The following CDH4 variants were observed in gnomAD, a reference collection of about 807,000 sequenced individuals.
CDH4 encodes cadherin-4.
CDH4 carries 33 observed loss-of-function variants against 86.0 expected under a neutral mutation model. The ratio of observed to expected loss-of-function variants is 0.38; its 90% CI spans 0.29 to 0.51. The LOEUF (loss-of-function observed/expected upper bound fraction) is 0.51. Ranked by LOEUF, CDH4 falls within the 20% of genes least tolerant of loss-of-function variation. CDH4 has a pLI of 0.86. For synonymous variants in CDH4, 555 were observed against 549.4 expected (o/e 1.01, Z -0.14); for missense variants, 1,114 against 1,307.4 (o/e 0.85, Z 2.28).
In CDH4 at chr20:61,829,384, C is replaced by T. The variant is rs73917530; in HGVS notation, c.577-15284C>T. Among the ~76,000 whole-genome samples, 1 of 152,178 alleles carries T rather than the reference C, an allele frequency of 6.6e-6. No individual in the cohort carries two copies. Among genetic ancestry groups the T allele is most frequent in the Non-Finnish European group, 1.5e-5 (1 of 68,040 alleles). ...AACATTTCACTGTGTGGGTGGACCACGTTTAGCCACTCAGCAGCTGACAGA... is the reference window on the plus strand; with the variant it reads ...AACATTTCACTGTGTGGGTGGACCATGTTTAGCCACTCAGCAGCTGACAGA... On this transcript the variant is annotated intron_variant, in intron 4 of 15. Coordinates refer to ENST00000614565, the MANE Select transcript of CDH4 (RefSeq NM_001794.5). The surrounding 1 kb of genome is among the most constrained non-coding windows in gnomAD (Gnocchi z 4.2).
chr20:61,390,737 C>T (rs931961489), intron 2 of CDH4, among the ~76,000 whole-genome samples: 14 of 151,028 alleles, frequency 9.3e-5, no homozygotes, highest in Non-Finnish European at 2.1e-4. Flanking sequence ...TGAGATCGTG[C>T]AGTCATAGGG....
chr20:61,363,912 T>C (rs931500978), intron 2 of CDH4, among the ~76,000 whole-genome samples: 4 of 152,188 alleles, frequency 2.6e-5, no homozygotes, highest in African/African-American at 4.8e-5. Context: ...TACTATGATA[T>C]TTGGTGAGAG....
At chr20:61,705,685 C>T (rs954942229) in intron 2 of CDH4, among the ~76,000 whole-genome samples, 1 of 152,158 alleles carries the variant, frequency 6.6e-6, no homozygotes, top group African/African-American at 2.4e-5. Flanking sequence ...CCTGGAGGCC[C>T]CCTCACCCAA....
chr20:61,532,181 A>C (rs2085960037), intron 2 of CDH4, among the ~76,000 whole-genome samples: 2 of 152,186 alleles, frequency 1.3e-5, no homozygotes, highest in Non-Finnish European at 2.9e-5. Context: ...CCTGCAGGGC[A>C]TGGACCCCAC....
chr20:61,498,286 C>T (rs1216132438), intron 2 of CDH4, among the ~76,000 whole-genome samples: 1 of 152,148 alleles, frequency 6.6e-6, no homozygotes, highest in Non-Finnish European at 1.5e-5. Context: ...GGTGTTCCCA[C>T]CGGTTGGCCG....
chr20:61,482,928 C>T (rs375059791), intron 2 of CDH4, among the ~76,000 whole-genome samples: 20 of 152,134 alleles, frequency 1.3e-4, no homozygotes, highest in Admixed American at 9.2e-4. Context: ...ATCAAGAAGC[C>T]GAGGCACAGG....
At chr20:61,773,547 G>C (rs905244485) in intron 4 of CDH4, among the ~76,000 whole-genome samples, 2 of 152,170 alleles carry the variant, frequency 1.3e-5, no homozygotes, top group African/African-American at 2.4e-5. Context: ...ATGATGGGGT[G>C]GTGCCATGAC....
At chr20:61,276,525 A>G (rs531907812) in intron 2 of CDH4, among the ~76,000 whole-genome samples, 1 of 152,322 alleles carries the variant, frequency 6.6e-6, no homozygotes, top group East Asian at 1.9e-4. Context: ...GCTAAATCCC[A>G]TGCTATGTCG....
Position 61,686,644 on chromosome 20 carries a change from T to G in CDH4, c.170-56919T>G, listed in dbSNP as rs577204802. 4.8e-3 allele frequency among the ~76,000 whole-genome samples: 733 copies of G among 151,362 alleles called. 4 individuals carry two copies. Among genetic ancestry groups the G allele is most frequent in the African/African-American group, 0.017 (695 of 41,062 alleles). On this transcript the variant is annotated intron_variant, in intron 2 of 15. Coordinates refer to ENST00000614565, the MANE Select transcript of CDH4 (RefSeq NM_001794.5). ...ATCTGAGTGCACATTCTCGTGTGCA[T>G]TCGCGTGTGTGCATTCGCGTGTATG...
At chr20:61,647,584 T>TC (rs2087078593) in intron 2 of CDH4, among the ~76,000 whole-genome samples, 1 of 89,680 alleles carries the variant, frequency 1.1e-5, no homozygotes, top group African/African-American at 4.5e-5. Flanking sequence ...CCTCCCCCTC[T>TC]CCTCTCTCTC....
At position 61,811,112 on chromosome 20, in the gene CDH4, C is replaced by G. The variant is rs1479894555; in HGVS notation, c.577-33556C>G. ...GCAGCCCCGCCACCGCCTGTCACAC[C>G]TGCTGCTCTGGAAGAACAACAGAAA... On this transcript the variant is annotated intron_variant, in intron 4 of 15. Coordinates refer to ENST00000614565, the MANE Select transcript of CDH4 (RefSeq NM_001794.5). The surrounding 1 kb of genome is among the most constrained non-coding windows in gnomAD (Gnocchi z 4.4). 6.6e-6 allele frequency among the ~76,000 whole-genome samples: 1 copy of G among 152,228 alleles called. No homozygotes were observed. Among genetic ancestry groups the G allele is most frequent in the East Asian group, 1.9e-4 (1 of 5,198 alleles).
rs369825987 is a variant in CDH4, at chr20:61,923,456, C to T, written c.1380C>T (p.Val460=). 70 of 1,613,952 alleles carry T rather than the reference C, an allele frequency of 4.3e-5. No homozygotes were observed. Among genetic ancestry groups the T allele is most frequent in the South Asian group, 6.6e-5 (6 of 91,080 alleles). Residue 460 remains valine, a synonymous_variant, in exon 10 of 16, where the codon GTC becomes GTT. Transcript: ENST00000614565. The part of the protein sequence containing the change: ...NEGMVTVVKA[V]DYELNRAFML... ...GCCCTGATCTGTTGTTCCAGGCAGT[C>T]GACTACGAGCTCAACAGAGCTTTCA...
intron 2 of CDH4, among the ~76,000 whole-genome samples, chr20:61,536,906 G>A (rs574107498): frequency 4.6e-5 from 7 of 152,302 alleles, no homozygotes; most frequent in South Asian, 4.1e-4. Context: ...AGAAGAGGCC[G>A]GTGGGTCCCA....
chr20:61,695,256 G>A (rs1165928709), intron 2 of CDH4, among the ~76,000 whole-genome samples: 1 of 152,258 alleles, frequency 6.6e-6, no homozygotes, highest in Non-Finnish European at 1.5e-5. Context: ...TGCCTCTGCC[G>A]GAGGTTACAG....
At chr20:61,762,932 C>T (rs1426192627) in intron 3 of CDH4, among the ~76,000 whole-genome samples, 1 of 152,236 alleles carries the variant, frequency 6.6e-6, no homozygotes, top group East Asian at 1.9e-4. Flanking sequence ...GACCAGAGGT[C>T]ATGTCCCAGC....
At chr20:61,635,417 C>T (rs931825073) in intron 2 of CDH4, among the ~76,000 whole-genome samples, 1 of 152,202 alleles carries the variant, frequency 6.6e-6, no homozygotes, top group Non-Finnish European at 1.5e-5. Flanking sequence ...TTGGCTGCTG[C>T]GGGTGATGTG....
chr20:61,470,165 A>C (rs555740306), intron 2 of CDH4, among the ~76,000 whole-genome samples: 6 of 152,214 alleles, frequency 3.9e-5, no homozygotes, highest in African/African-American at 1.4e-4. Flanking sequence ...TGGACACTTT[A>C]ATGTATTTAT....
intron 6 of CDH4, among the ~76,000 whole-genome samples, chr20:61,872,721 C>T (rs951650728): frequency 2.6e-5 from 4 of 152,256 alleles, no homozygotes; most frequent in Admixed American, 6.5e-5. Flanking sequence ...GCAGGAACAC[C>T]GGAAGGTGGC....
intron 3 of CDH4, among the ~76,000 whole-genome samples, chr20:61,750,841 C>T (rs1350290431): frequency 6.6e-6 from 1 of 152,070 alleles, no homozygotes; most frequent in Non-Finnish European, 1.5e-5. Context: ...GGGATAAATC[C>T]TTAGAAAATA....
Sources: allele counts gnomAD v4.1 joint callset (sites outside exome capture counted in the v4.1 genomes callset), GRCh38; gene constraint gnomAD v4.1.1; non-coding constraint Gnocchi (gnomAD v3.1); transcripts MANE v1.5; gene names NCBI Gene and HGNC (gene_info 2026-07-23, HGNC 2026-07-21).